DCAF6: variants seen among roughly 807,000 people sequenced by gnomAD.
The protein encoded by DCAF6 is DDB1- and CUL4-associated factor 6.
In DCAF6, 54 loss-of-function variants were observed where a neutral mutation model predicts 125.1. That is an observed-to-expected ratio of 0.43 (90% CI 0.35 to 0.54). The LOEUF is 0.54. DCAF6 is among the 20% of genes least tolerant of loss of function. DCAF6 has a pLI of 0.01. For missense variants in DCAF6, 934 were observed against 1,161.7 expected, an observed-to-expected ratio of 0.80 and a Z score of 2.85; for synonymous variants, 371 against 390.4, an observed-to-expected ratio of 0.95 and a Z score of 0.58.
chr1:167,877,103 T>C, the DCAF6 span, among the ~76,000 whole-genome samples: 1 of 151,950 alleles, frequency 6.6e-6, no homozygotes, highest in Non-Finnish European at 1.5e-5. Flanking sequence ...TGAAGTTTTG[T>C]GATTGCCCGT....
intron 10 of DCAF6, among the ~76,000 whole-genome samples, chr1:168,012,278 T>C (rs1684407910): frequency 6.6e-6 from 1 of 152,244 alleles, no homozygotes; most frequent in African/African-American, 2.4e-5. Context: ...CTTTGTTGCG[T>C]CAACTGTAGC....
the DCAF6 span, among the ~76,000 whole-genome samples, chr1:167,910,595 G>A: frequency 6.6e-6 from 1 of 152,182 alleles, no homozygotes; most frequent in Non-Finnish European, 1.5e-5. Context: ...CAAGATTAAA[G>A]TTCATGGGAA....
the DCAF6 span, among the ~76,000 whole-genome samples, chr1:167,907,391 T>G: frequency 0.01 from 1,571 of 152,354 alleles, 34 homozygotes; most frequent in African/African-American, 0.036. Context: ...TACATGTCCC[T>G]TGTGGGTTGT....
chr1:167,937,213 T>C, intron 1 of DCAF6: 1 of 595,518 alleles, frequency 1.7e-6, no homozygotes, highest in Non-Finnish European at 3.1e-6. Flanking sequence ...GCCGCCGCCC[T>C]TGCTGGGTTT....
At chr1:168,008,443 T>C (rs1443203149) in intron 10 of DCAF6, among the ~76,000 whole-genome samples, 2 of 152,206 alleles carry the variant, frequency 1.3e-5, no homozygotes, top group East Asian at 3.8e-4. Context: ...GCAAGTTCTT[T>C]TGTTCCTGTA....
chr1:167,895,085 G>A, the DCAF6 span, among the ~76,000 whole-genome samples: 3 of 151,892 alleles, frequency 2.0e-5, no homozygotes, highest in Non-Finnish European at 4.4e-5. Flanking sequence ...AGGAGGCTGA[G>A]GCAGGAGAAT....
the DCAF6 span, among the ~76,000 whole-genome samples, chr1:167,873,701 C>T: frequency 6.6e-6 from 1 of 151,944 alleles, no homozygotes; most frequent in Non-Finnish European, 1.5e-5. Flanking sequence ...ATATCAATTC[C>T]AAATGGATTG....
At chr1:168,069,506 A>G (rs747244133) in intron 21 of DCAF6, among the ~76,000 whole-genome samples, 4 of 152,176 alleles carry the variant, frequency 2.6e-5, no homozygotes, top group South Asian at 2.1e-4. Context: ...TAAGAACTGC[A>G]TAAGCAGTGA....
intron 10 of DCAF6, 87 bp from the exon 11 acceptor site, chr1:168,015,694 C>T: frequency 1.7e-6 from 2 of 1,194,166 alleles, no homozygotes; most frequent in South Asian, 2.1e-5. Flanking sequence ...TTGTTTATAT[C>T]CTTCTTCTTT....
At chr1:167,920,163 G>C in the DCAF6 span, 1 of 907,048 alleles carries the variant, frequency 1.1e-6, no homozygotes, top group East Asian at 2.5e-5. Context: ...TTAATATTGA[G>C]TAAAGTAATT....
intron 14 of DCAF6, among the ~76,000 whole-genome samples, 170 bp from the exon 15 acceptor site, chr1:168,044,415 T>A (rs978533348): frequency 5.9e-5 from 9 of 152,154 alleles, no homozygotes; most frequent in Non-Finnish European, 1.2e-4. Context: ...GTATTATAAG[T>A]AATATAGAGA....
chr1:167,984,010 A>G (rs202239), intron 4 of DCAF6, among the ~76,000 whole-genome samples: 130 of 152,298 alleles, frequency 8.5e-4, no homozygotes, highest in African/African-American at 2.9e-3. Flanking sequence ...GTTTTTTACA[A>G]CTACCATAGT....
the DCAF6 span, among the ~76,000 whole-genome samples, chr1:167,919,058 C>T: frequency 7.2e-5 from 11 of 152,174 alleles, 1 homozygote; most frequent in East Asian, 9.6e-4. Context: ...AATTTATACT[C>T]GCAAAGCACC....
chr1:168,072,554 A>T (rs1001653135), intron 21 of DCAF6, among the ~76,000 whole-genome samples: 27 of 152,168 alleles, frequency 1.8e-4, no homozygotes, highest in African/African-American at 6.0e-4. Flanking sequence ...GCTTATAAAG[A>T]GCAGAGACCC....
At chr1:167,890,450 T>G in the DCAF6 span, among the ~76,000 whole-genome samples, 67 of 151,864 alleles carry the variant, frequency 4.4e-4, no homozygotes, top group Non-Finnish European at 8.2e-4. Context: ...GAGCTGGGGG[T>G]GGGGTCACAC....
the DCAF6 span, among the ~76,000 whole-genome samples, chr1:167,926,643 G>A: frequency 6.6e-6 from 1 of 152,202 alleles, no homozygotes; most frequent in Non-Finnish European, 1.5e-5. Flanking sequence ...TGCCGCTGCT[G>A]CTGCCGTCTA....
the DCAF6 span, among the ~76,000 whole-genome samples, chr1:167,895,096 C>A: frequency 0.029 from 4,418 of 151,018 alleles, 214 homozygotes; most frequent in African/African-American, 0.1. Context: ...GCAGGAGAAT[C>A]GCTTGAACCC....
the DCAF6 span, among the ~76,000 whole-genome samples, chr1:167,889,485 G>A: frequency 6.7e-6 from 1 of 148,294 alleles, no homozygotes; most frequent in African/African-American, 2.5e-5. Flanking sequence ...CTAGTATTTT[G>A]CTGAGGATTT....
At chr1:167,919,427 G>C in the DCAF6 span, among the ~76,000 whole-genome samples, 9 of 152,212 alleles carry the variant, frequency 5.9e-5, no homozygotes, top group East Asian at 1.7e-3. Context: ...TCAAATATTT[G>C]ATCATAATGT....
Sources: gnomAD v4.1 joint callset for allele counts (sites outside exome capture counted in the v4.1 genomes callset) on GRCh38, gnomAD v4.1.1 for gene constraint, MANE v1.5 for transcripts, NCBI Gene and HGNC (gene_info 2026-07-23, HGNC 2026-07-21) for gene names.